REEP5: variants seen among roughly 807,000 people sequenced by gnomAD.
The protein encoded by REEP5 is receptor accessory protein 5.
A neutral mutation model predicts 22.4 loss-of-function variants in REEP5; 24 were observed. The observed-to-expected ratio is 1.07, with a 90% CI of 0.78 to 1.51. The LOEUF is 1.51. Among genes scored for constraint, REEP5 ranks in the 40% most tolerant of loss-of-function variants. The pLI is 0.00. For missense variants in REEP5, 252 were observed against 233.0 expected (o/e 1.08, Z -0.53); for synonymous variants, 103 against 88.6 (o/e 1.16, Z -0.92).
In REEP5 at chr5:112,878,670, T is replaced by G; in HGVS notation, c.*116A>C. On this transcript the variant is annotated 3_prime_UTR_variant, in exon 5 of 5. Coordinates refer to ENST00000379638, the MANE Select transcript of REEP5 (RefSeq NM_005669.5). The stretch of plus-strand genomic sequence containing the variant: ...TTACAACACATTCCAATCTTTAATA[T>G]CTCAAAAATGTTTCCAAGGCAACAT... 2.1e-6 allele frequency: 3 copies of G among 1,419,502 alleles called. No individual in the cohort carries two copies. The highest frequency in any genetic ancestry group is 2.9e-6 in the Non-Finnish European group (3 of 1,039,824). 87.9% of individuals were successfully genotyped at this position (1,419,502 alleles called of 1,614,324 possible).
chr5:112,918,740 C>T (rs1375654336), intron 2 of REEP5, among the ~76,000 whole-genome samples: 1 of 152,206 alleles, frequency 6.6e-6, no homozygotes, highest in Admixed American at 6.5e-5. Context: ...ACTGACCCTA[C>T]CTGCTGGCAC....
chr5:112,889,247 A>G (rs1271057583), intron 3 of REEP5, among the ~76,000 whole-genome samples: 1 of 147,684 alleles, frequency 6.8e-6, no homozygotes, highest in Non-Finnish European at 1.5e-5. Flanking sequence ...AAAACAAAAC[A>G]AAACCCAGAC....
chr5:112,920,357 C>A (rs996364773), intron 2 of REEP5, among the ~76,000 whole-genome samples: 2 of 152,028 alleles, frequency 1.3e-5, no homozygotes, highest in Non-Finnish European at 2.9e-5. Flanking sequence ...AAGAAAGTAG[C>A]AGAGACCAAC....
chr5:112,891,931 G>GT (rs764339826), intron 3 of REEP5: 23 of 1,273,088 alleles, frequency 1.8e-5, no homozygotes, highest in African/African-American at 2.9e-5. Context: ...GAAGGAAAAG[G>GT]AAGAGGCGGC....
intron 2 of REEP5, among the ~76,000 whole-genome samples, chr5:112,913,360 AG>A (rs1191235715): frequency 5.9e-4 from 84 of 142,060 alleles, no homozygotes; most frequent in African/African-American, 2.4e-3. Flanking sequence ...AAAGAAAGAA[AG>A]GAAAGAAAGA....
At chr5:112,882,582 A>C (rs1394544522) in intron 4 of REEP5, among the ~76,000 whole-genome samples, 1 of 152,144 alleles carries the variant, frequency 6.6e-6, no homozygotes, top group East Asian at 1.9e-4. Flanking sequence ...CGCAAATCTC[A>C]AGCATGCCTT....
chr5:112,886,844 G>A (rs74743339), intron 4 of REEP5, among the ~76,000 whole-genome samples, 171 bp downstream of exon 4: 3,193 of 152,264 alleles, frequency 0.021, 106 homozygotes, highest in African/African-American at 0.073. Flanking sequence ...GGGAAAAGTC[G>A]AGAACTGTAA....
chr5:112,901,500 G>T (rs1159574102), intron 3 of REEP5, among the ~76,000 whole-genome samples: 1 of 152,072 alleles, frequency 6.6e-6, no homozygotes, highest in Non-Finnish European at 1.5e-5. Flanking sequence ...CTTAAGGTCA[G>T]GAGTTCGAGA....
At chr5:112,921,091 C>T in intron 2 of REEP5, 72 bp downstream of exon 2, 1 of 1,418,298 alleles carries the variant, frequency 7.1e-7, no homozygotes, top group Non-Finnish European at 9.8e-7. Context: ...TGCGGATGTG[C>T]AGTCTACTGC....
intron 2 of REEP5, among the ~76,000 whole-genome samples, chr5:112,912,106 T>C (rs73223916): frequency 0.029 from 4,489 of 152,268 alleles, 224 homozygotes; most frequent in African/African-American, 0.1. Flanking sequence ...GTTTGACATA[T>C]ATTATCCCAA....
At position 112,877,395 on chromosome 5, in the gene REEP5, T is replaced by C. The variant is rs1447870071; in HGVS notation, c.*1391A>G. ...AGTCGAGTTTAATTCAAAAGGACTC[T>C]TAACAGTATGGTGTAAAACTCAGAT... On this transcript the variant is annotated 3_prime_UTR_variant, in exon 5 of 5. Coordinates refer to ENST00000379638, the MANE Select transcript of REEP5 (RefSeq NM_005669.5). 2.0e-5 allele frequency: 3 copies of C among 152,188 alleles called. No homozygotes were observed. The highest frequency in any genetic ancestry group is 4.8e-5 in the African/African-American group (2 of 41,460). 9.4% of individuals were successfully genotyped at this position (152,188 alleles called of 1,614,324 possible). A position where few individuals can be genotyped will look rare whatever the true frequency, so the allele number is the denominator to read the frequency against.
In REEP5 at chr5:112,922,222, C is replaced by G. The variant is rs1443167555; in HGVS notation, c.-32G>C. On this transcript the variant is annotated 5_prime_UTR_variant, in exon 1 of 5. Coordinates refer to ENST00000379638, the MANE Select transcript of REEP5 (RefSeq NM_005669.5). Reference sequence around the variant, plus strand: ...GACCGTCTCGCCGCTCGGGGCTGTTCCTAGTGCCGGATAGACTGGAGCGGC... The same window carrying G: ...GACCGTCTCGCCGCTCGGGGCTGTTGCTAGTGCCGGATAGACTGGAGCGGC... 5 of 1,589,636 alleles carry G rather than the reference C, an allele frequency of 3.1e-6. No individual in the cohort carries two copies. The highest frequency in any genetic ancestry group is 1.7e-5 in the Admixed American group (1 of 57,350).
In REEP5 at chr5:112,891,480, A is replaced by G. The variant is rs1768445695; in HGVS notation, c.352-4297T>C. 4.1e-6 allele frequency: 4 copies of G among 974,668 alleles called. No individual in the cohort carries two copies. In the East Asian group the frequency reaches 1.2e-4, roughly 29 times the overall value. The allele number at this position is 974,668 out of a possible 1,614,324, so 60.4% of individuals were successfully genotyped here. On this transcript the variant is annotated intron_variant, in intron 3 of 4. Transcript: ENST00000379638. Reference sequence around the variant, plus strand: ...AACTGCAATATAAAGGAGAAACAAAATGAAAGTAATTTGTAATATATATAA... The same window carrying G: ...AACTGCAATATAAAGGAGAAACAAAGTGAAAGTAATTTGTAATATATATAA...
chr5:112,886,113 C>G (rs1459771436), intron 4 of REEP5, among the ~76,000 whole-genome samples: 1 of 152,210 alleles, frequency 6.6e-6, no homozygotes, highest in Non-Finnish European at 1.5e-5. Flanking sequence ...AGGAGTGATC[C>G]AATACTGTTG....
Position 112,921,761 on chromosome 5 carries a change from C to T in REEP5, c.118+312G>A, listed in dbSNP as rs186194207. On this transcript the variant is annotated intron_variant, in intron 1 of 4. Coordinates refer to ENST00000379638, the MANE Select transcript of REEP5 (RefSeq NM_005669.5). ...GCCCGCAGGGGCCCCGCCGTCCGCG[C>T]CCACCGCGCAGGACAGCAGGAATAG... is the stretch of plus-strand genomic sequence containing the variant. 7.3e-3 allele frequency: 1,871 copies of T among 258,026 alleles called. 14 individuals carry two copies. The highest frequency in any genetic ancestry group is 0.011 in the Non-Finnish European group (1,540 of 135,778). The allele number at this position is 258,026 out of a possible 1,614,324, so 16.0% of individuals were successfully genotyped here.
chr5:112,889,017 G>A (rs1269137176), intron 3 of REEP5, among the ~76,000 whole-genome samples: 1 of 150,814 alleles, frequency 6.6e-6, no homozygotes. Context: ...TTTCGCTTGG[G>A]CTCTCATTCT....
At chr5:112,907,553 CA>C (rs879347215) in intron 2 of REEP5, among the ~76,000 whole-genome samples, 1 of 152,136 alleles carries the variant, frequency 6.6e-6, no homozygotes, top group Non-Finnish European at 1.5e-5. Flanking sequence ...GGATAGTTGG[CA>C]AAACTGTGGC....
intron 2 of REEP5, among the ~76,000 whole-genome samples, chr5:112,905,266 C>T (rs1425908937): frequency 2.0e-5 from 3 of 152,134 alleles, no homozygotes; most frequent in African/African-American, 7.2e-5. Flanking sequence ...TCTGGCCGGG[C>T]ACAATGGCTC....
chr5:112,897,984 G>A (rs1482537063), intron 3 of REEP5: 1 of 152,230 alleles, frequency 6.6e-6, no homozygotes, highest in Non-Finnish European at 1.5e-5. Context: ...GCTGGAACTG[G>A]AGAGGCAGTG....
Sources: allele counts gnomAD v4.1 joint callset (sites outside exome capture counted in the v4.1 genomes callset), GRCh38; gene constraint gnomAD v4.1.1; transcripts MANE v1.5; gene names NCBI Gene and HGNC (gene_info 2026-07-23, HGNC 2026-07-21).